SFI1: variants seen among roughly 807,000 people sequenced by gnomAD.
The protein encoded by SFI1 is protein SFI1 homolog.
Under a neutral mutation model 207.5 loss-of-function variants are expected in SFI1, and 195 were observed. The observed-to-expected ratio is 0.94, with a 90% CI of 0.84 to 1.06. The LOEUF (loss-of-function observed/expected upper bound fraction) is 1.06, where lower values mean the gene tolerates loss of function less well. Ranked by LOEUF, SFI1 falls within the 50% of genes least tolerant of loss-of-function variation. The pLI is 0.00. For synonymous variants in SFI1, 630 were observed against 598.9 expected (o/e 1.05, Z -0.76); for missense variants, 1,634 against 1,588.0 (o/e 1.03, Z -0.49).
chr22:31,593,281 G>C (rs1319557547), intron 15 of SFI1, among the ~76,000 whole-genome samples: 1 of 142,140 alleles, frequency 7.0e-6, no homozygotes, highest in Non-Finnish European at 1.6e-5. Flanking sequence ...TTCTCAGACG[G>C]GGCGGCCGGG....
At position 31,618,292 on chromosome 22, in the gene SFI1, GCCTGTC is replaced by G; in HGVS notation, c.3625-18_3625-13del. ...CCGGGCTGTGCTCCCTCTCAGCCCTGCCTGTCCCTCCATGGCCCCAGGTGGAAATGC... is the reference window on the plus strand; with the variant it reads ...CCGGGCTGTGCTCCCTCTCAGCCCTGCCTCCATGGCCCCAGGTGGAAATGC... On this transcript the variant is annotated splice_polypyrimidine_tract_variant and intron_variant, in intron 32 of 32. Transcript: ENST00000400288. 1 of 1,606,346 alleles carries G rather than the reference GCCTGTC, an allele frequency of 6.2e-7. No homozygotes were observed. Among genetic ancestry groups the G allele is most frequent in the South Asian group, 1.1e-5 (1 of 90,080 alleles).
intron 20 of SFI1, chr22:31,605,883 C>T (rs920064053): frequency 1.8e-5 from 3 of 164,730 alleles, no homozygotes; most frequent in African/African-American, 4.8e-5. Flanking sequence ...GCCTCCATCC[C>T]TCATATGGAG....
intron 15 of SFI1, among the ~76,000 whole-genome samples, chr22:31,594,669 C>T (rs2066804235): frequency 6.6e-6 from 1 of 151,038 alleles, no homozygotes; most frequent in Admixed American, 6.6e-5. Flanking sequence ...TCCTGGCTAA[C>T]ACGGAGAAAC....
At chr22:31,561,981 A>G (rs1374998766) in intron 8 of SFI1, among the ~76,000 whole-genome samples, 1 of 152,202 alleles carries the variant, frequency 6.6e-6, no homozygotes, top group African/African-American at 2.4e-5. Flanking sequence ...GAAAAAAAAA[A>G]TTAGTGCCTG....
chr22:31,545,393 GA>G (rs1348732454), intron 4 of SFI1, among the ~76,000 whole-genome samples: 1 of 151,566 alleles, frequency 6.6e-6, no homozygotes, highest in Non-Finnish European at 1.5e-5. Flanking sequence ...AAAATTTGTA[GA>G]GCTGGGTACA....
At position 31,584,981 on chromosome 22, in the gene SFI1, A is replaced by G. The variant is rs1354657460; in HGVS notation, c.1347-87A>G. 3 of 1,139,142 alleles carry G rather than the reference A, an allele frequency of 2.6e-6. No homozygotes were observed. The Admixed American group carries it at 6.0e-5, about 23-fold the overall frequency. 70.6% of individuals were successfully genotyped at this position (1,139,142 alleles called of 1,614,324 possible). A position where few individuals can be genotyped will look rare whatever the true frequency, so the allele number is the denominator to read the frequency against. On this transcript the variant is annotated intron_variant, in intron 13 of 32. Transcript: ENST00000400288. ...TAAGCCCATGGGGTGCCTTTAACTC[A>G]CAGGAAGTAACTGTACCGCAATTTA... is the stretch of plus-strand genomic sequence containing the variant.
chr22:31,580,453 CTT>C lies in SFI1; in HGVS notation c.1248+93_1248+94del, dbSNP rs2063986320. On this transcript the variant is annotated intron_variant, in intron 12 of 32. Transcript: ENST00000400288. Reference sequence around the variant, plus strand: ...CAGTCTTGCCAAATTAAGCAGAACTCTTTTTAAAAAAACTTTTTGTGCTTCAA... The same window carrying C: ...CAGTCTTGCCAAATTAAGCAGAACTCTTTAAAAAAACTTTTTGTGCTTCAA... 6 of 1,073,086 alleles carry C rather than the reference CTT, an allele frequency of 5.6e-6. No homozygotes were observed. In the African/African-American group the frequency reaches 7.0e-5, roughly 13 times the overall value. 66.5% of individuals were successfully genotyped at this position (1,073,086 alleles called of 1,614,324 possible). A position where few individuals can be genotyped will look rare whatever the true frequency, so the allele number is the denominator to read the frequency against.
chr22:31,590,212 T>G (rs1204090749), intron 15 of SFI1, among the ~76,000 whole-genome samples: 1 of 151,186 alleles, frequency 6.6e-6, no homozygotes, highest in African/African-American at 2.4e-5. Context: ...TTCAAATGCT[T>G]GTCTCATCTG....
At chr22:31,594,903 C>T (rs2066867527) in intron 15 of SFI1, among the ~76,000 whole-genome samples, 1 of 148,886 alleles carries the variant, frequency 6.7e-6, no homozygotes, top group South Asian at 2.1e-4. Context: ...AGCAGATCTA[C>T]ATCTTTTTAG....
At chr22:31,526,631 CT>C (rs1907590712) in intron 2 of SFI1, among the ~76,000 whole-genome samples, 1 of 151,464 alleles carries the variant, frequency 6.6e-6, no homozygotes, top group Non-Finnish European at 1.5e-5. Context: ...ATTCAGTTCA[CT>C]GCAGCCTCTG....
intron 7 of SFI1, among the ~76,000 whole-genome samples, chr22:31,560,952 C>T (rs963960822): frequency 1.2e-4 from 18 of 152,258 alleles, no homozygotes; most frequent in African/African-American, 4.3e-4. Context: ...ATCCACTCTC[C>T]TCGGCCTCCC....
At chr22:31,497,701 A>G (rs1231798051) in intron 1 of SFI1, among the ~76,000 whole-genome samples, 3 of 152,140 alleles carry the variant, frequency 2.0e-5, no homozygotes, top group Admixed American at 6.6e-5. Flanking sequence ...AGAAATGCCT[A>G]TGCTCTGTAA....
At chr22:31,592,979 G>T (rs1338545129) in intron 15 of SFI1, among the ~76,000 whole-genome samples, 1 of 114,024 alleles carries the variant, frequency 8.8e-6, no homozygotes, top group African/African-American at 3.7e-5. Context: ...CTGGCCGGGC[G>T]GGGGGCTGAC....
At chr22:31,602,357 C>T (rs953211699) in intron 16 of SFI1, 64 bp downstream of exon 16, 17 of 1,485,922 alleles carry the variant, frequency 1.1e-5, no homozygotes, top group African/African-American at 4.1e-5. Flanking sequence ...ATTGCACTCA[C>T]GGCCTCCCCT....
chr22:31,509,612 A>C (rs2055191941), intron 2 of SFI1, among the ~76,000 whole-genome samples: 1 of 152,124 alleles, frequency 6.6e-6, no homozygotes, highest in African/African-American at 2.4e-5. Context: ...CTCCTAGTCC[A>C]CTGACTCAAA....
chr22:31,497,809 G>A (rs978288794), intron 1 of SFI1, among the ~76,000 whole-genome samples: 14 of 152,132 alleles, frequency 9.2e-5, no homozygotes, highest in African/African-American at 2.9e-4. Flanking sequence ...GCCTACTATC[G>A]AGACCTACTG....
At chr22:31,593,400 C>T (rs1249153715) in intron 15 of SFI1, among the ~76,000 whole-genome samples, 3 of 141,540 alleles carry the variant, frequency 2.1e-5, no homozygotes, top group South Asian at 2.4e-4. Context: ...AGACGATGGG[C>T]GGCCGGGCAG....
chr22:31,591,484 A>T (rs945261250), intron 15 of SFI1, among the ~76,000 whole-genome samples: 6 of 151,614 alleles, frequency 4.0e-5, no homozygotes, highest in African/African-American at 1.5e-4. Flanking sequence ...GCTATTGGGC[A>T]CACCTCCCAG....
In SFI1 at chr22:31,529,484, C is replaced by T. The variant is rs564224141; in HGVS notation, c.266+621C>T. ...GAGGTTGCAGTGAGCTGAAATTGCT[C>T]CACTGCCCTCCAGCCTGGGCGAGAG... On this transcript the variant is annotated intron_variant, in intron 3 of 32. Transcript: ENST00000400288. Among the ~76,000 whole-genome samples, 3 of 152,304 alleles carry T rather than the reference C, an allele frequency of 2.0e-5. No homozygotes were observed. The East Asian group carries it at 5.8e-4, about 29-fold the overall frequency.
Sources: allele counts gnomAD v4.1 joint callset (sites outside exome capture counted in the v4.1 genomes callset), GRCh38; gene constraint gnomAD v4.1.1; transcripts MANE v1.5; gene names NCBI Gene and HGNC (gene_info 2026-07-23, HGNC 2026-07-21).